The following CDIN1 variants were observed in gnomAD, a reference collection of about 807,000 sequenced individuals.
The protein encoded by CDIN1 is CDAN1-interacting nuclease 1.
In CDIN1, 33 loss-of-function variants were observed where a neutral mutation model predicts 45.3. The ratio of observed to expected loss-of-function variants is 0.73; its 90% CI spans 0.55 to 0.97. The LOEUF (loss-of-function observed/expected upper bound fraction) is 0.97, where lower values mean the gene tolerates loss of function less well. Ranked by LOEUF, CDIN1 falls within the 50% of genes least tolerant of loss-of-function variation. The pLI, the probability that CDIN1 is intolerant of heterozygous loss-of-function variation, is 0.00. For missense variants in CDIN1, 303 were observed against 339.4 expected (o/e 0.89, Z 0.84); for synonymous variants, 118 against 124.4 (o/e 0.95, Z 0.34).
At chr15:36,800,897 G>GTA (rs1566984210) in intron 10 of CDIN1, among the ~76,000 whole-genome samples, 6 of 27,166 alleles carry the variant, frequency 2.2e-4, no homozygotes, top group African/African-American at 6.9e-4. Context: ...GTGTGTGTGT[G>GTA]TGTGTGTGTG....
intron 5 of CDIN1, among the ~76,000 whole-genome samples, chr15:36,686,360 T>C (rs2042044795): frequency 7.6e-6 from 1 of 130,892 alleles, no homozygotes; most frequent in Admixed American, 9.1e-5. Context: ...AATTGAGCAA[T>C]GAGAACACAT....
At chr15:36,716,630 C>A (rs2043224595) in intron 10 of CDIN1, among the ~76,000 whole-genome samples, 1 of 152,086 alleles carries the variant, frequency 6.6e-6, no homozygotes, top group Non-Finnish European at 1.5e-5. Flanking sequence ...GTGTGCAGTG[C>A]AGCCTGGACT....
At chr15:36,786,870 C>T (rs554140594) in intron 10 of CDIN1, among the ~76,000 whole-genome samples, 4 of 152,208 alleles carry the variant, frequency 2.6e-5, no homozygotes, top group African/African-American at 9.6e-5. Flanking sequence ...TCTGACCCTT[C>T]AAACCCACTC....
At chr15:36,606,053 AGTGT>A (rs1385705707) in intron 1 of CDIN1, among the ~76,000 whole-genome samples, 1 of 151,938 alleles carries the variant, frequency 6.6e-6, no homozygotes, top group Non-Finnish European at 1.5e-5. Flanking sequence ...TTTTGACGTG[AGTGT>A]TATCTTACTC....
intron 1 of CDIN1, among the ~76,000 whole-genome samples, chr15:36,599,256 G>A: frequency 6.6e-6 from 1 of 152,096 alleles, no homozygotes; most frequent in South Asian, 2.1e-4. Context: ...ATATTCAGTA[G>A]GCAGCTAAGT....
Position 36,638,040 on chromosome 15 carries a change from T to A in CDIN1, c.102-6238T>A, listed in dbSNP as rs573261715. On this transcript the variant is annotated intron_variant, in intron 1 of 10. Coordinates refer to ENST00000566621, the MANE Select transcript of CDIN1 (RefSeq NM_001321759.2). ...GTTAACCTAAGTGGTTATATTTTTT[T>A]AAAAAAATATTCTTTGGGCTGTGCA... Among the ~76,000 whole-genome samples the A allele has an allele frequency of 3.1e-4, 47 of 152,276 alleles. No individual in the cohort carries two copies. In the East Asian group the frequency reaches 3.3e-3, roughly 11 times the overall value.
At chr15:36,615,693 G>T (rs2038855928) in intron 1 of CDIN1, among the ~76,000 whole-genome samples, 1 of 152,184 alleles carries the variant, frequency 6.6e-6, no homozygotes, top group Non-Finnish European at 1.5e-5. Flanking sequence ...TGAAACAGCA[G>T]TGCGAGTCCC....
At chr15:36,649,482 T>A (rs1014048322) in intron 3 of CDIN1, among the ~76,000 whole-genome samples, 1 of 152,182 alleles carries the variant, frequency 6.6e-6, no homozygotes, top group Non-Finnish European at 1.5e-5. Context: ...CAAATACACA[T>A]CCTATGGGTG....
chr15:36,616,837 CTT>C (rs1411442281), intron 1 of CDIN1, among the ~76,000 whole-genome samples: 1 of 151,936 alleles, frequency 6.6e-6, no homozygotes, highest in Non-Finnish European at 1.5e-5. Context: ...AGGCAGGAGA[CTT>C]GCTTGGACCT....
chr15:36,598,089 C>T (rs891579406), intron 1 of CDIN1, among the ~76,000 whole-genome samples: 7 of 152,180 alleles, frequency 4.6e-5, no homozygotes, highest in Non-Finnish European at 1.0e-4. Context: ...CTCCTGGGCT[C>T]AGGTGATCCT....
At chr15:36,716,430 A>G (rs2043217553) in intron 10 of CDIN1, among the ~76,000 whole-genome samples, 2 of 152,194 alleles carry the variant, frequency 1.3e-5, no homozygotes. Context: ...TCGGGAGTAT[A>G]GTTATTGTCA....
intron 1 of CDIN1, among the ~76,000 whole-genome samples, chr15:36,600,562 C>T (rs1448307741): frequency 6.6e-6 from 1 of 152,162 alleles, no homozygotes; most frequent in Non-Finnish European, 1.5e-5. Context: ...TGGCATGTGT[C>T]ATTGATATGG....
At chr15:36,756,334 G>T (rs959367316) in intron 10 of CDIN1, among the ~76,000 whole-genome samples, 1 of 152,084 alleles carries the variant, frequency 6.6e-6, no homozygotes, top group Non-Finnish European at 1.5e-5. Context: ...TCAACTCCCT[G>T]TTTCTCTCAT....
intron 1 of CDIN1, chr15:36,617,857 A>C (rs752197862): frequency 4.0e-5 from 31 of 777,180 alleles, no homozygotes; most frequent in Non-Finnish European, 6.9e-5. Context: ...CCTTAAGAGA[A>C]GAAGTTAAAA....
chr15:36,737,173 AAAAAAAAAC>A (rs1220355370), intron 10 of CDIN1, among the ~76,000 whole-genome samples: 1 of 151,696 alleles, frequency 6.6e-6, no homozygotes, highest in African/African-American at 2.4e-5. Context: ...GTCTCAAAAA[AAAAAAAAAC>A]AAAAATTGCT....
At chr15:36,742,744 C>T (rs1240172993) in intron 10 of CDIN1, among the ~76,000 whole-genome samples, 1 of 152,148 alleles carries the variant, frequency 6.6e-6, no homozygotes, top group Non-Finnish European at 1.5e-5. Flanking sequence ...CACATTCATT[C>T]GTTTATTCAT....
At chr15:36,618,539 CT>C in intron 1 of CDIN1, 1 of 1,129,052 alleles carries the variant, frequency 8.9e-7, no homozygotes, top group Non-Finnish European at 1.4e-6. Context: ...AATTTTCCAC[CT>C]TTACCTGGAA....
intron 1 of CDIN1, among the ~76,000 whole-genome samples, chr15:36,587,816 C>T (rs2037377946): frequency 6.6e-6 from 1 of 152,100 alleles, no homozygotes. Context: ...AGTCCGACGG[C>T]TAGGAAGTAG....
intron 10 of CDIN1, among the ~76,000 whole-genome samples, chr15:36,724,722 C>T (rs1402831083): frequency 6.6e-6 from 1 of 152,078 alleles, no homozygotes; most frequent in Non-Finnish European, 1.5e-5. Context: ...GTTTAGAGAA[C>T]TGATTAACAA....
Sources: allele counts gnomAD v4.1 joint callset (sites outside exome capture counted in the v4.1 genomes callset), GRCh38; gene constraint gnomAD v4.1.1; transcripts MANE v1.5; gene names NCBI Gene and HGNC (gene_info 2026-07-23, HGNC 2026-07-21).